Variants in SLCO6A1 observed in about 807,000 individuals in gnomAD.
SLCO6A1 encodes cancer/testis antigen 48.
A neutral mutation model predicts 72.7 loss-of-function variants in SLCO6A1; 65 were observed. The observed-to-expected ratio is 0.89, with a 90% CI of 0.73 to 1.10. The LOEUF (loss-of-function observed/expected upper bound fraction) is 1.10, where lower values mean the gene tolerates loss of function less well. SLCO6A1 is among the 50% of genes least tolerant of loss of function. The pLI, the probability that SLCO6A1 is intolerant of heterozygous loss-of-function variation, is 0.00. For synonymous variants in SLCO6A1, 314 were observed against 298.2 expected, an observed-to-expected ratio of 1.05 and a Z score of -0.55; for missense variants, 874 against 872.6, an observed-to-expected ratio of 1.00 and a Z score of -0.02.
intron 8 of SLCO6A1, among the ~76,000 whole-genome samples, chr5:102,418,898 T>C (rs536273381): frequency 6.6e-6 from 1 of 152,290 alleles, no homozygotes; most frequent in South Asian, 2.1e-4. Context: ...TCTTGAGTTA[T>C]AAGCCGGCAG....
chr5:102,469,379 T>A (rs1751482909), intron 4 of SLCO6A1, among the ~76,000 whole-genome samples: 1 of 152,146 alleles, frequency 6.6e-6, no homozygotes, highest in Non-Finnish European at 1.5e-5. Flanking sequence ...GTCCTTCACA[T>A]CCCTTGTAAG....
chr5:102,459,563 A>C (rs1005980815), intron 5 of SLCO6A1, 93 bp downstream of exon 5: 12 of 1,338,428 alleles, frequency 9.0e-6, no homozygotes, highest in Non-Finnish European at 1.2e-5. Context: ...TACTCATTTT[A>C]TTAAAAATGT....
chr5:102,483,209 C>T (rs1345997096), intron 1 of SLCO6A1, among the ~76,000 whole-genome samples: 2 of 152,196 alleles, frequency 1.3e-5, no homozygotes, highest in Non-Finnish European at 2.9e-5. Flanking sequence ...GATAACTCTG[C>T]TCATATGGAG....
At chr5:102,458,544 A>C in intron 5 of SLCO6A1, 53 bp from the exon 6 acceptor site, 1 of 1,311,116 alleles carries the variant, frequency 7.6e-7, no homozygotes, top group African/African-American at 1.5e-5. Flanking sequence ...ACTAAAACCC[A>C]TACATAAAAC....
At chr5:102,430,731 A>T (rs1002771499) in intron 7 of SLCO6A1, among the ~76,000 whole-genome samples, 4 of 152,132 alleles carry the variant, frequency 2.6e-5, no homozygotes, top group African/African-American at 9.7e-5. Flanking sequence ...ATGTATGTCC[A>T]TCAAGGATAT....
At chr5:102,448,394 G>A (rs749206465) in intron 6 of SLCO6A1, among the ~76,000 whole-genome samples, 2 of 152,134 alleles carry the variant, frequency 1.3e-5, no homozygotes, top group Admixed American at 1.3e-4. Context: ...GGTACATTTG[G>A]TCAAGTGTCA....
intron 4 of SLCO6A1, among the ~76,000 whole-genome samples, chr5:102,468,362 T>C (rs4703231): frequency 0.64 from 96,752 of 151,890 alleles, 31,003 homozygotes; most frequent in African/African-American, 0.66. Context: ...TTCTAGGGTA[T>C]ATTTTAAGTC....
intron 12 of SLCO6A1, 139 bp downstream of exon 12, chr5:102,388,549 T>C (rs1226251637): frequency 3.5e-6 from 2 of 568,456 alleles, no homozygotes; most frequent in Admixed American, 8.1e-5. Context: ...TGGTCTCTAT[T>C]TTGCAGGTTA....
At chr5:102,448,940 G>C (rs1197229359) in intron 6 of SLCO6A1, among the ~76,000 whole-genome samples, 1 of 145,466 alleles carries the variant, frequency 6.9e-6, no homozygotes, top group Non-Finnish European at 1.5e-5. Flanking sequence ...ATGTAGACTT[G>C]ATTGTGTATT....
At chr5:102,393,349 T>A (rs1746874499) in intron 10 of SLCO6A1, among the ~76,000 whole-genome samples, 1 of 152,116 alleles carries the variant, frequency 6.6e-6, no homozygotes, top group African/African-American at 2.4e-5. Flanking sequence ...TCATGCCACT[T>A]CTCAACTTTT....
intron 1 of SLCO6A1, among the ~76,000 whole-genome samples, chr5:102,488,831 CA>C (rs1399156484): frequency 6.6e-6 from 1 of 152,092 alleles, no homozygotes; most frequent in Admixed American, 6.5e-5. Flanking sequence ...TTTCATCTAT[CA>C]AAAAATTGAT....
intron 7 of SLCO6A1, among the ~76,000 whole-genome samples, chr5:102,423,126 C>T (rs574774944): frequency 2.0e-5 from 3 of 152,104 alleles, no homozygotes; most frequent in Non-Finnish European, 4.4e-5. Flanking sequence ...CTGCAGGAAA[C>T]ACTAAATATG....
chr5:102,407,710 G>A (rs76406650), intron 9 of SLCO6A1, among the ~76,000 whole-genome samples: 290 of 152,244 alleles, frequency 1.9e-3, no homozygotes, highest in African/African-American at 6.5e-3. Context: ...CACTGAAGAC[G>A]GAGTGGGTTA....
chr5:102,452,746 A>C (rs1353353913), intron 6 of SLCO6A1, among the ~76,000 whole-genome samples: 2 of 152,200 alleles, frequency 1.3e-5, no homozygotes, highest in Non-Finnish European at 2.9e-5. Flanking sequence ...AAAATTCATT[A>C]CAAGAAAAGA....
chr5:102,444,003 G>A (rs1181762346), intron 6 of SLCO6A1, among the ~76,000 whole-genome samples: 2 of 152,188 alleles, frequency 1.3e-5, no homozygotes, highest in East Asian at 3.9e-4. Flanking sequence ...CTACAACCAA[G>A]GTTTTTTCCA....
chr5:102,475,623 A>T, intron 4 of SLCO6A1, 74 bp downstream of exon 4: 2 of 892,028 alleles, frequency 2.2e-6, no homozygotes, highest in Non-Finnish European at 3.4e-6. Flanking sequence ...ATATATATTT[A>T]CTTGTAAGCT....
intron 7 of SLCO6A1, among the ~76,000 whole-genome samples, chr5:102,435,071 C>G (rs1349855785): frequency 2.0e-5 from 3 of 152,178 alleles, no homozygotes; most frequent in Non-Finnish European, 4.4e-5. Context: ...TCATGCCAAT[C>G]TTGGATCCAT....
chr5:102,421,643 C>T (rs1365594573), intron 7 of SLCO6A1, among the ~76,000 whole-genome samples: 5 of 152,146 alleles, frequency 3.3e-5, no homozygotes, highest in Middle Eastern at 3.2e-3. Context: ...AGATGAAACT[C>T]CCATCTCCCT....
intron 10 of SLCO6A1, among the ~76,000 whole-genome samples, chr5:102,393,934 G>A (rs1443431957): frequency 1.3e-5 from 2 of 152,118 alleles, no homozygotes; most frequent in Non-Finnish European, 2.9e-5. Context: ...AATTTCTCAA[G>A]AAGAAAAATT....
Sources: gnomAD v4.1 joint callset for allele counts (sites outside exome capture counted in the v4.1 genomes callset) on GRCh38, gnomAD v4.1.1 for gene constraint, MANE v1.5 for transcripts, NCBI Gene and HGNC (gene_info 2026-07-23, HGNC 2026-07-21) for gene names.